The following TTLL5 variants were observed in gnomAD, a reference collection of about 807,000 sequenced individuals.
The protein encoded by TTLL5 is tubulin polyglutamylase TTLL5.
A neutral mutation model predicts 168.4 loss-of-function variants in TTLL5; 132 were observed. That is an observed-to-expected ratio of 0.78 (90% CI 0.68 to 0.91). The LOEUF (loss-of-function observed/expected upper bound fraction) is 0.91. Among genes scored for constraint, TTLL5 ranks in the 40% least tolerant of loss-of-function variants. The pLI is 0.00. For missense variants in TTLL5, 1,545 were observed against 1,581.5 expected, an observed-to-expected ratio of 0.98 and a Z score of 0.39; for synonymous variants, 546 against 558.6, an observed-to-expected ratio of 0.98 and a Z score of 0.32.
chr14:75,887,240 T>A, intron 30 of TTLL5: 1 of 987,608 alleles, frequency 1.0e-6, no homozygotes, highest in Non-Finnish European at 1.2e-6. Flanking sequence ...GTCAGCCGTA[T>A]GATGAAAGAT....
rs1888837502 is a variant in TTLL5, at chr14:75,735,566, G to A, written c.1281+277G>A. The stretch of plus-strand genomic sequence containing the variant: ...TGTTTTTAAAAATCACGTTTTTTCC[G>A]CCTCAGATTGATATGCTCAGAAACA... On this transcript the variant is annotated intron_variant, in intron 15 of 31. Coordinates refer to ENST00000298832, the MANE Select transcript of TTLL5 (RefSeq NM_015072.5). 2.0e-5 allele frequency among the ~76,000 whole-genome samples: 3 copies of A among 151,146 alleles called. No individual in the cohort carries two copies. The South Asian group carries it at 6.3e-4, about 32-fold the overall frequency.
At chr14:75,912,825 C>T (rs1467793221) in intron 31 of TTLL5, among the ~76,000 whole-genome samples, 1 of 152,144 alleles carries the variant, frequency 6.6e-6, no homozygotes, top group Non-Finnish European at 1.5e-5. Context: ...CAATAGAGTG[C>T]TGTGTTTCAT....
intron 9 of TTLL5, among the ~76,000 whole-genome samples, chr14:75,717,521 G>A (rs555198061): frequency 2.0e-5 from 3 of 152,290 alleles, no homozygotes; most frequent in Admixed American, 6.5e-5. Flanking sequence ...TCCTATTGGT[G>A]TAATGTTCTA....
chr14:75,795,355 A>AGT (rs1282769952), intron 27 of TTLL5, among the ~76,000 whole-genome samples: 2 of 152,212 alleles, frequency 1.3e-5, no homozygotes, highest in Non-Finnish European at 2.9e-5. Context: ...TTTTAGATAA[A>AGT]GTGTACTTTT....
intron 12 of TTLL5, among the ~76,000 whole-genome samples, chr14:75,727,161 A>G (rs538606608): frequency 2.9e-4 from 44 of 152,328 alleles, no homozygotes; most frequent in African/African-American, 1.0e-3. Context: ...TATACTTACC[A>G]TATGACCCAG....
intron 9 of TTLL5, among the ~76,000 whole-genome samples, chr14:75,715,243 C>G (rs1026298943): frequency 6.6e-6 from 1 of 150,898 alleles, no homozygotes; most frequent in Admixed American, 6.6e-5. Context: ...TGGCTGACTT[C>G]CCACCCTACT....
In TTLL5 at chr14:75,782,644, G is replaced by C. The variant is rs559898507; in HGVS notation, c.2602+71G>C. On this transcript the variant is annotated intron_variant, in intron 25 of 31. Transcript: ENST00000298832. ...TCCTAAAAGAAGGAAATAGTCATCA[G>C]ATATTAAATATTTCTAAAGCATGGA... The C allele has an allele frequency of 6.5e-5, 82 of 1,264,426 alleles. No individual in the cohort carries two copies. In the African/African-American group the frequency reaches 1.2e-3, roughly 18 times the overall value. The allele number at this position is 1,264,426 out of a possible 1,614,324, so 78.3% of individuals were successfully genotyped here.
chr14:75,766,151 C>G lies in TTLL5; in HGVS notation c.1798C>G (p.Gln600Glu). The G allele has an allele frequency of 5.0e-6, 8 of 1,613,936 alleles. No homozygotes were observed. The highest frequency in any genetic ancestry group is 6.8e-6 in the Non-Finnish European group (8 of 1,179,948). The change falls in exon 20 of 32, where the codon CAG (glutamine) becomes GAG (glutamate). Residue 600 changes from glutamine (Q) to glutamate (E), a missense_variant. Coordinates refer to ENST00000298832, the MANE Select transcript of TTLL5 (RefSeq NM_015072.5). Reference protein sequence around the residue: ...EVALDNEDEEQEASQEESAGF... With the variant: ...EVALDNEDEEEEASQEESAGF... ...CGCATTAGATAATGAAGATGAAGAACAGGAGGCTTCCCAGGAGGAGTCTGC... is the reference window on the plus strand; with the variant it reads ...CGCATTAGATAATGAAGATGAAGAAGAGGAGGCTTCCCAGGAGGAGTCTGC...
intron 28 of TTLL5, among the ~76,000 whole-genome samples, chr14:75,862,177 AT>A (rs2030071214): frequency 6.6e-6 from 1 of 152,210 alleles, no homozygotes; most frequent in Non-Finnish European, 1.5e-5. Context: ...GTGCTGCAGC[AT>A]ATGTCAGAAT....
At chr14:75,757,692 T>C in intron 18 of TTLL5, 1 of 569,752 alleles carries the variant, frequency 1.8e-6, no homozygotes, top group Non-Finnish European at 2.8e-6. Flanking sequence ...CTGTCTGCTT[T>C]TCTGCAAAGA....
intron 9 of TTLL5, among the ~76,000 whole-genome samples, chr14:75,716,746 T>G (rs1268723379): frequency 6.6e-6 from 1 of 152,152 alleles, no homozygotes; most frequent in Non-Finnish European, 1.5e-5. Context: ...TGAGCATCCT[T>G]TTGTTGATAT....
chr14:75,842,913 G>A (rs757155797), intron 28 of TTLL5, among the ~76,000 whole-genome samples: 43 of 152,280 alleles, frequency 2.8e-4, no homozygotes, highest in Admixed American at 4.6e-4. Context: ...CAAAGGTGGT[G>A]TCCACTTTGA....
At chr14:75,733,380 C>A (rs918200996) in intron 13 of TTLL5, among the ~76,000 whole-genome samples, 11 of 152,076 alleles carry the variant, frequency 7.2e-5, no homozygotes, top group African/African-American at 2.2e-4. Flanking sequence ...AGGGAGGCCT[C>A]TTGCTTTTGG....
intron 30 of TTLL5, among the ~76,000 whole-genome samples, chr14:75,896,249 C>T (rs1017337227): frequency 4.6e-5 from 7 of 151,460 alleles, no homozygotes; most frequent in African/African-American, 1.7e-4. Flanking sequence ...GTGGATATGT[C>T]GAAAATTGTA....
intron 28 of TTLL5, among the ~76,000 whole-genome samples, chr14:75,828,751 C>G (rs1197024674): frequency 2.0e-5 from 3 of 152,176 alleles, no homozygotes; most frequent in African/African-American, 7.2e-5. Context: ...GCTGCTTGAG[C>G]CCAGTACTGA....
At position 75,773,919 on chromosome 14, in the gene TTLL5, TATATATATAGAGAGAGAGAGAG is replaced by T. The variant is rs1785911687; in HGVS notation, c.2137-1563_2137-1542del. ...AAAAAAAAAAATACATATATATATA[TATATATATAGAGAGAGAGAGAG>T]AGAGAGAGAGAGAGAAAGAGAGAGA... On this transcript the variant is annotated intron_variant, in intron 21 of 31. Transcript: ENST00000298832. Among the ~76,000 whole-genome samples, 13 of 30,336 alleles carry T rather than the reference TATATATATAGAGAGAGAGAGAG, an allele frequency of 4.3e-4. 1 individual carries two copies. The highest frequency in any genetic ancestry group is 1.1e-3 in the Admixed American group (2 of 1,844). 19.9% of individuals were successfully genotyped at this position (30,336 alleles called of 152,430 possible).
chr14:75,775,143 C>G (rs1025275072), intron 21 of TTLL5, among the ~76,000 whole-genome samples: 5 of 151,692 alleles, frequency 3.3e-5, no homozygotes, highest in African/African-American at 1.2e-4. Context: ...GTTTTAGTTC[C>G]TACTACCTGT....
chr14:75,731,420 C>G (rs940668644), intron 12 of TTLL5, among the ~76,000 whole-genome samples: 1 of 126,654 alleles, frequency 7.9e-6, no homozygotes, highest in Non-Finnish European at 1.7e-5. Context: ...CACACACACA[C>G]ACAGGACTGT....
At chr14:75,915,235 T>C (rs2033573096) in intron 31 of TTLL5, among the ~76,000 whole-genome samples, 1 of 152,188 alleles carries the variant, frequency 6.6e-6, no homozygotes, top group Admixed American at 6.5e-5. Flanking sequence ...TTAAGTTGTG[T>C]AATACCTGAA....
Sources: allele counts gnomAD v4.1 joint callset (sites outside exome capture counted in the v4.1 genomes callset), GRCh38; gene constraint gnomAD v4.1.1; transcripts MANE v1.5; gene names NCBI Gene and HGNC (gene_info 2026-07-23, HGNC 2026-07-21).